GALNT18: variants seen among roughly 807,000 people sequenced by gnomAD.
GALNT18 encodes the protein GalNAc-transferase 18.
GALNT18 carries 44 observed loss-of-function variants against 69.5 expected under a neutral mutation model. The ratio of observed to expected loss-of-function variants is 0.63; its 90% CI spans 0.50 to 0.81. The LOEUF (loss-of-function observed/expected upper bound fraction) is 0.81. Among genes scored for constraint, GALNT18 ranks in the 40% least tolerant of loss-of-function variants. The probability of loss-of-function intolerance (pLI) is 0.00; values close to 1 mark genes in which losing one functional copy is unlikely to be tolerated. For synonymous variants in GALNT18, 364 were observed against 318.2 expected, an observed-to-expected ratio of 1.14 and a Z score of -1.53; for missense variants, 715 against 810.0, an observed-to-expected ratio of 0.88 and a Z score of 1.42.
intron 6 of GALNT18, chr11:11,352,205 C>T (rs1376389093): frequency 8.1e-6 from 13 of 1,613,744 alleles, no homozygotes; most frequent in Non-Finnish European, 6.8e-6. Flanking sequence ...GGTCATATCG[C>T]AGCAGTTTGT....
rs1032937795 is a variant in GALNT18 at position 11,444,894 on chromosome 11, A to G, written c.428+3850T>C. 6.6e-6 allele frequency among the ~76,000 whole-genome samples: 1 copy of G among 152,220 alleles called. No homozygotes were observed. The highest frequency in any genetic ancestry group is 1.5e-5 in the Non-Finnish European group (1 of 68,038). On this transcript the variant is annotated intron_variant, in intron 2 of 10. Transcript: ENST00000227756. This position sits in a 1 kb window ranked among gnomAD's most constrained non-coding sequence, Gnocchi z 4.4. ...AGGGGCTCCGGCTATGGCAAGAGCC[A>G]CACAGCATGAATCTTCCAGAGACTG...
intron 6 of GALNT18, among the ~76,000 whole-genome samples, chr11:11,343,131 C>T (rs1005722072): frequency 6.6e-6 from 1 of 151,996 alleles, no homozygotes; most frequent in Non-Finnish European, 1.5e-5. Flanking sequence ...ATCACTTGAG[C>T]TTGGGAGTTT....
intron 5 of GALNT18, among the ~76,000 whole-genome samples, chr11:11,375,870 AT>A (rs1228021012): frequency 6.6e-6 from 1 of 152,184 alleles, no homozygotes; most frequent in East Asian, 1.9e-4. Flanking sequence ...ATGAGTATAC[AT>A]TTTTTCTTCT....
rs571494134 is a variant in GALNT18 at position 11,465,402 on chromosome 11, A to G, written c.236-16466T>C. Among the ~76,000 whole-genome samples, 3 of 152,282 alleles carry G rather than the reference A, an allele frequency of 2.0e-5. No homozygotes were observed. Among genetic ancestry groups the G allele is most frequent in the Admixed American group, 2.0e-4 (3 of 15,298 alleles). On this transcript the variant is annotated intron_variant, in intron 1 of 10. Transcript: ENST00000227756. The surrounding 1 kb of genome is among the most constrained non-coding windows in gnomAD (Gnocchi z 5.7). ...GCTGTCACTGTGCAGGAAAACACCA[A>G]GGATTACTCAAAGCTTGAGTGCTGC...
rs184760093 is a variant in GALNT18, at chr11:11,571,088, T to C, written c.235+50271A>G. Among the ~76,000 whole-genome samples, 250 of 152,342 alleles carry C rather than the reference T, an allele frequency of 1.6e-3. 1 individual carries two copies. Among genetic ancestry groups the C allele is most frequent in the South Asian group, 7.7e-3 (37 of 4,824 alleles). ...CTAATTTGTTGCCTGCTTCCTTTCT[T>C]GCCTTCATTTAACCCTCACAGCAAC... is the stretch of plus-strand genomic sequence containing the variant. On this transcript the variant is annotated intron_variant, in intron 1 of 10. Transcript: ENST00000227756.
intron 1 of GALNT18, among the ~76,000 whole-genome samples, chr11:11,531,290 T>G (rs954913837): frequency 5.9e-5 from 9 of 152,148 alleles, no homozygotes; most frequent in Non-Finnish European, 1.2e-4. Flanking sequence ...AGCACAGGGC[T>G]AGGAACCCTG....
intron 6 of GALNT18, among the ~76,000 whole-genome samples, chr11:11,342,541 T>C (rs1462184477): frequency 2.6e-5 from 4 of 152,240 alleles, no homozygotes; most frequent in African/African-American, 9.6e-5. Context: ...TCACACCAGT[T>C]GGCCCCTATA....
Position 11,621,510 on chromosome 11 carries a change from G to A in GALNT18, c.84C>T (p.Tyr28=), listed in dbSNP as rs1204473724. 2.0e-5 allele frequency: 32 copies of A among 1,614,140 alleles called. No individual in the cohort carries two copies. The highest frequency in any genetic ancestry group is 1.6e-4 in the Middle Eastern group (1 of 6,062). ...SGMTNIICLL[Y]VGWVTNYIAS... ...CGATGTAGTTGGTGACCCAGCCCAC[G>A]TAGAGCAGGCAGATGATGTTAGTCA... The change falls in exon 1 of 11, where the codon TAC becomes TAT. Residue 28 remains tyrosine (Y), a synonymous_variant. Coordinates refer to ENST00000227756, the MANE Select transcript of GALNT18 (RefSeq NM_198516.3). The surrounding 1 kb of genome is among the most constrained non-coding windows in gnomAD (Gnocchi z 9.3).
At chr11:11,556,085 C>T (rs1454967265) in intron 1 of GALNT18, among the ~76,000 whole-genome samples, 1 of 152,198 alleles carries the variant, frequency 6.6e-6, no homozygotes, top group Non-Finnish European at 1.5e-5. Context: ...ATTCAGGTTT[C>T]ATGGAGGAAA....
chr11:11,322,825 G>A (rs1324574791), intron 9 of GALNT18, among the ~76,000 whole-genome samples: 3 of 152,184 alleles, frequency 2.0e-5, no homozygotes, highest in Non-Finnish European at 4.4e-5. Flanking sequence ...TGGAGGCTGG[G>A]AAGTCCAAGA....
intron 10 of GALNT18, among the ~76,000 whole-genome samples, chr11:11,291,024 T>C (rs543052232): frequency 1.3e-5 from 2 of 152,304 alleles, no homozygotes; most frequent in African/African-American, 4.8e-5. Context: ...TATACCTAAC[T>C]GTCCTTCCAC....
rs1348321848 is a variant in GALNT18 at position 11,376,272 on chromosome 11, C to A, written c.977+910G>T. 2.0e-5 allele frequency among the ~76,000 whole-genome samples: 3 copies of A among 152,238 alleles called. No homozygotes were observed. In the East Asian group the frequency reaches 5.8e-4, roughly 29 times the overall value. ...TGGCAGGTGCCTGTTATCCCACCTA[C>A]TTGGGAGGCTGAGGCAGGAGAATCA... On this transcript the variant is annotated intron_variant, in intron 5 of 10. Coordinates refer to ENST00000227756, the MANE Select transcript of GALNT18 (RefSeq NM_198516.3).
intron 9 of GALNT18, among the ~76,000 whole-genome samples, chr11:11,316,345 C>T (rs1235359664): frequency 6.6e-6 from 1 of 152,100 alleles, no homozygotes; most frequent in African/African-American, 2.4e-5. Context: ...CATTTAAATT[C>T]TTGGCACACA....
chr11:11,318,988 A>G lies in GALNT18; in HGVS notation c.1512+8098T>C, dbSNP rs1215299087. ...AAAGGCTATAATTTTATTTCCCCATAGGACATGAACCACTTTTGCATTTAA... is the reference window on the plus strand; with the variant it reads ...AAAGGCTATAATTTTATTTCCCCATGGGACATGAACCACTTTTGCATTTAA... On this transcript the variant is annotated intron_variant, in intron 9 of 10. Transcript: ENST00000227756. The surrounding 1 kb of genome is among the most constrained non-coding windows in gnomAD (Gnocchi z 5.1). Among the ~76,000 whole-genome samples, 1 of 152,226 alleles carries G rather than the reference A, an allele frequency of 6.6e-6. No individual in the cohort carries two copies. Among genetic ancestry groups the G allele is most frequent in the African/African-American group, 2.4e-5 (1 of 41,458 alleles).
At chr11:11,301,666 A>G (rs1849497141) in intron 9 of GALNT18, among the ~76,000 whole-genome samples, 1 of 152,180 alleles carries the variant, frequency 6.6e-6, no homozygotes. Flanking sequence ...AGGCACACGA[A>G]TCCCTCAGCT....
At chr11:11,346,956 C>T (rs989009043) in intron 6 of GALNT18, among the ~76,000 whole-genome samples, 3 of 152,112 alleles carry the variant, frequency 2.0e-5, no homozygotes, top group African/African-American at 7.2e-5. Flanking sequence ...TAATGATTCC[C>T]CAGGTTTAAA....
intron 1 of GALNT18, among the ~76,000 whole-genome samples, chr11:11,481,105 G>A (rs112134212): frequency 0.032 from 4,899 of 152,204 alleles, 169 homozygotes; most frequent in African/African-American, 0.095. Flanking sequence ...ATCCTGGCAG[G>A]AGGTTTCTAT....
chr11:11,352,924 C>T, intron 6 of GALNT18: 1 of 1,614,080 alleles, frequency 6.2e-7, no homozygotes, highest in African/African-American at 1.3e-5. Context: ...ATTTTAACAA[C>T]AACTTTTTCA....
chr11:11,503,791 A>G (rs780971596), intron 1 of GALNT18, among the ~76,000 whole-genome samples: 1 of 152,228 alleles, frequency 6.6e-6, no homozygotes, highest in South Asian at 2.1e-4. Flanking sequence ...GTAAATGTAC[A>G]TACAGAAAAG....
Sources: allele counts gnomAD v4.1 joint callset (sites outside exome capture counted in the v4.1 genomes callset), GRCh38; gene constraint gnomAD v4.1.1; non-coding constraint Gnocchi (gnomAD v3.1); transcripts MANE v1.5; gene names NCBI Gene and HGNC (gene_info 2026-07-23, HGNC 2026-07-21).